The following DDX51 variants were observed in gnomAD, a reference collection of about 807,000 sequenced individuals.
The protein encoded by DDX51 is ATP-dependent RNA helicase DDX51.
A neutral mutation model predicts 74.6 loss-of-function variants in DDX51; 67 were observed. That is an observed-to-expected ratio of 0.90 (90% CI 0.74 to 1.10). The LOEUF (loss-of-function observed/expected upper bound fraction) is 1.10, where lower values mean the gene tolerates loss of function less well. DDX51 is among the 50% of genes least tolerant of loss of function. DDX51 has a pLI of 0.00. For synonymous variants in DDX51, 545 were observed against 402.9 expected (o/e 1.35, Z -4.22); for missense variants, 1,056 against 905.2 (o/e 1.17, Z -2.14).
rs549835748 is a variant in DDX51, at chr12:132,143,490, CA to C, written c.519+204del. On this transcript the variant is annotated intron_variant, in intron 2 of 14. Coordinates refer to ENST00000397333, the MANE Select transcript of DDX51 (RefSeq NM_175066.4). ...GAACTGGCGCGGCGCGGCGGGAGGA[CA>C]GGGGCAAGCCTAGCAGAGGAAACGG... 6.9e-4 allele frequency: 472 copies of C among 685,108 alleles called. 2 individuals carry two copies. The African/African-American group carries it at 8.5e-3, about 12-fold the overall frequency. The allele number at this position is 685,108 out of a possible 1,614,324, so 42.4% of individuals were successfully genotyped here.
intron 5 of DDX51, 69 bp from the exon 6 acceptor site, chr12:132,142,025 G>A (rs766684366): frequency 3.2e-4 from 509 of 1,607,474 alleles, no homozygotes; most frequent in Admixed American, 8.9e-4. Context: ...AAGGACCCCA[G>A]ATCTAATCTG....
rs755622658 is a variant in DDX51 at position 132,139,536 on chromosome 12, G to C, written c.1974+99C>G. On this transcript the variant is annotated intron_variant, in intron 14 of 14. Transcript: ENST00000397333. Reference sequence around the variant, plus strand: ...CTGTGTGACCCTCTGTTGCCTTCTCGCTTTCCTCTTTTTCCCTCTTTTCTC... The same window carrying C: ...CTGTGTGACCCTCTGTTGCCTTCTCCCTTTCCTCTTTTTCCCTCTTTTCTC... The C allele has an allele frequency of 3.1e-6, 5 of 1,605,910 alleles. No homozygotes were observed. In the South Asian group the frequency reaches 4.4e-5, roughly 14 times the overall value.
rs1354342586 is a variant in DDX51, at chr12:132,141,434, G to A, written c.1105-14C>T. 7 of 1,586,752 alleles carry A rather than the reference G, an allele frequency of 4.4e-6. No homozygotes were observed. Among genetic ancestry groups the A allele is most frequent in the Non-Finnish European group, 5.1e-6 (6 of 1,171,014 alleles). ...CTCGTCGATAATCTGCAGGAGACAGGGAGCCCGGGACTGGGTGGCGCGGCC... is the reference window on the plus strand; with the variant it reads ...CTCGTCGATAATCTGCAGGAGACAGAGAGCCCGGGACTGGGTGGCGCGGCC... On this transcript the variant is annotated splice_polypyrimidine_tract_variant and intron_variant, in intron 7 of 14. Transcript: ENST00000397333.
Position 132,140,424 on chromosome 12 carries a change from G to A in DDX51, c.1672C>T (p.Leu558=). ...LKQFEQGKIQ[L]LISTDATARG... ...CCTTGCCCCTGCCCAGGAACTCACA[G>A]CTGGATCTTCCCCTGTTCAAACTGC... The change falls in exon 11 of 15, where the codon CTG becomes TTG. Residue 558 remains leucine (L), a splice_region_variant and synonymous_variant. Transcript: ENST00000397333. The A allele has an allele frequency of 1.9e-6, 3 of 1,613,208 alleles. No individual in the cohort carries two copies. Among genetic ancestry groups the A allele is most frequent in the Non-Finnish European group, 1.7e-6 (2 of 1,180,004 alleles).
At position 132,142,842 on chromosome 12, in the gene DDX51, T is replaced by C. The variant is rs771632532; in HGVS notation, c.556A>G (p.Asn186Asp). 1 of 1,612,100 alleles carries C rather than the reference T, an allele frequency of 6.2e-7. No homozygotes were observed. Among genetic ancestry groups the C allele is most frequent in the Non-Finnish European group, 8.5e-7 (1 of 1,179,238 alleles). ...TCGGTGACATTCCTTCTGACACAGT[T>C]AGGCTCAGCCAGCCACCTTGGCAGG... The part of the protein sequence containing the change: ...PFLPRWLAEP[N>D]CVRRNVTEDL... The change falls in exon 3 of 15, where the codon AAC (asparagine) becomes GAC (aspartate). Residue 186 changes from asparagine to aspartate, a missense_variant. Physicochemically the swap from Asn to Asp is conservative, Grantham distance 23. Coordinates refer to ENST00000397333, the MANE Select transcript of DDX51 (RefSeq NM_175066.4).
chr12:132,142,222 G>A (rs1281874807), intron 4 of DDX51, 32 bp from the exon 5 acceptor site: 5 of 1,595,732 alleles, frequency 3.1e-6, no homozygotes, highest in Admixed American at 1.7e-5. Context: ...CGTCAGCAAG[G>A]CTGTTACCTG....
Position 132,139,284 on chromosome 12 carries a change from C to G in DDX51, c.1989G>C (p.Gln663His), listed in dbSNP as rs1897358070. Residue 663 changes from glutamine (Q) to histidine (H), a missense_variant, in exon 15 of 15, where the codon CAG becomes CAC. Coordinates refer to ENST00000397333, the MANE Select transcript of DDX51 (RefSeq NM_175066.4). ...TCTGAGCCCCAGCCTAGGCCGCCCT[C>G]TGCTTGCGCTCTTCCTGTGGAGGAA... The part of the protein sequence containing the change: ...LEESVKEERK[Q>H]RAA 6.2e-7 allele frequency: 1 copy of G among 1,608,850 alleles called. No homozygotes were observed. The highest frequency in any genetic ancestry group is 1.3e-5 in the African/African-American group (1 of 74,860).
intron 6 of DDX51, 40 bp from the exon 7 acceptor site, chr12:132,141,646 C>T (rs1133694): frequency 0.17 from 268,633 of 1,537,368 alleles, 26,364 homozygotes; most frequent in African/African-American, 0.41. Flanking sequence ...GAAGCTTTCT[C>T]AAGGGCTTCC....
intron 8 of DDX51, 68 bp from the exon 9 acceptor site, chr12:132,141,088 C>G (rs754959079): frequency 6.5e-7 from 1 of 1,534,326 alleles, no homozygotes; most frequent in African/African-American, 1.4e-5. Context: ...GAACAGGATT[C>G]CTCATGCTAC....
At chr12:132,143,255 C>G in intron 2 of DDX51, 1 of 402,762 alleles carries the variant, frequency 2.5e-6, no homozygotes, top group Non-Finnish European at 4.6e-6. Context: ...CAAAGAGAAC[C>G]TCCTCCACCT....
chr12:132,138,958 C>A lies in DDX51; in HGVS notation c.*314G>T. ...AACATTAGCTCAAGGTTAATGCCCC[C>A]AACTCTCAGCAAAAGCATGACGGGT... On this transcript the variant is annotated 3_prime_UTR_variant, in exon 15 of 15. Transcript: ENST00000397333. 1 of 436,460 alleles carries A rather than the reference C, an allele frequency of 2.3e-6. No individual in the cohort carries two copies. Among genetic ancestry groups the A allele is most frequent in the Non-Finnish European group, 4.1e-6 (1 of 243,326 alleles). The allele number at this position is 436,460 out of a possible 1,614,324, so 27.0% of individuals were successfully genotyped here. A position where few individuals can be genotyped will look rare whatever the true frequency, so the allele number is the denominator to read the frequency against.
In DDX51 at chr12:132,140,828, C is replaced by T. The variant is rs1449907206; in HGVS notation, c.1440+3G>A. 1.5e-5 allele frequency: 24 copies of T among 1,613,396 alleles called. No homozygotes were observed. The highest frequency in any genetic ancestry group is 2.0e-5 in the Non-Finnish European group (24 of 1,179,976). ...CCCTCTGCCCACACGGTATCCCACT[C>T]ACCGTGAGCCCAACAGGAAAGGCAT... On this transcript the variant is annotated splice_donor_region_variant and intron_variant, in intron 9 of 14. Transcript: ENST00000397333.
At position 132,140,139 on chromosome 12, in the gene DDX51, C is replaced by T. The variant is rs768549780; in HGVS notation, c.1734G>A (p.Val578=). ...GIDVQGVELV[V]NYDAPQYLRT... ...TCAGGTACTGGGGGGCGTCGTAGTTCACCACCAGCTCCACACCCTGCACGT... is the reference window on the plus strand; with the variant it reads ...TCAGGTACTGGGGGGCGTCGTAGTTTACCACCAGCTCCACACCCTGCACGT... The change falls in exon 12 of 15, where the codon GTG becomes GTA. Residue 578 remains valine, a synonymous_variant. Coordinates refer to ENST00000397333, the MANE Select transcript of DDX51 (RefSeq NM_175066.4). 6 of 1,612,596 alleles carry T rather than the reference C, an allele frequency of 3.7e-6. No homozygotes were observed. In the Admixed American group the frequency reaches 8.3e-5, roughly 22 times the overall value.
At position 132,139,995 on chromosome 12, in the gene DDX51, C is replaced by T. The variant is rs1593418672; in HGVS notation, c.1776-71G>A. On this transcript the variant is annotated intron_variant, in intron 12 of 14. Coordinates refer to ENST00000397333, the MANE Select transcript of DDX51 (RefSeq NM_175066.4). ...AGAGTCTGACGGAACGACAGCTTCT[C>T]TCCACACCAACCCCACCCCACGCCA... 8 of 1,609,476 alleles carry T rather than the reference C, an allele frequency of 5.0e-6. No individual in the cohort carries two copies. The East Asian group carries it at 1.8e-4, about 36-fold the overall frequency.
rs1205873798 is a variant in DDX51, at chr12:132,139,615, C to T, written c.1974+20G>A. ...AACGCCCTCCCCAGAGGGTTTCATG[C>T]CGGACTCTGGTGCCCTTACCTTGAC... On this transcript the variant is annotated intron_variant, in intron 14 of 14. Coordinates refer to ENST00000397333, the MANE Select transcript of DDX51 (RefSeq NM_175066.4). 1 of 1,613,134 alleles carries T rather than the reference C, an allele frequency of 6.2e-7. No homozygotes were observed. Among genetic ancestry groups the T allele is most frequent in the South Asian group, 1.1e-5 (1 of 91,092 alleles).
chr12:132,139,362 G>A (rs1051472426), intron 14 of DDX51, 64 bp from the exon 15 acceptor site: 21 of 1,584,048 alleles, frequency 1.3e-5, no homozygotes, highest in Non-Finnish European at 1.5e-5. Context: ...GTGGGGCCCC[G>A]GGCTCTGCCC....
intron 11 of DDX51, 24 bp from the exon 12 acceptor site, chr12:132,140,223 G>A: frequency 6.2e-7 from 1 of 1,604,736 alleles, no homozygotes; most frequent in Non-Finnish European, 8.5e-7. Context: ...CAGCATTGTG[G>A]GCCCGACGTG....
intron 14 of DDX51, 145 bp from the exon 15 acceptor site, chr12:132,139,443 G>A (rs1335782896): frequency 2.6e-6 from 4 of 1,512,266 alleles, no homozygotes; most frequent in Admixed American, 1.8e-5. Context: ...AGCCCTCCCT[G>A]GTGCCACGTG....
At chr12:132,140,230 C>T (rs369702079) in intron 11 of DDX51, 31 bp from the exon 12 acceptor site, 7 of 1,602,074 alleles carry the variant, frequency 4.4e-6, no homozygotes, top group East Asian at 4.5e-5. Context: ...GTGGGCCCGA[C>T]GTGCCAGGAG....
Sources: allele counts gnomAD v4.1 joint callset, GRCh38; gene constraint gnomAD v4.1.1; transcripts MANE v1.5; gene names NCBI Gene and HGNC (gene_info 2026-07-23, HGNC 2026-07-21).